TARS2: variants seen among roughly 807,000 people sequenced by gnomAD.
TARS2 encodes the protein threonine--tRNA ligase, mitochondrial.
TARS2 carries 61 observed loss-of-function variants against 94.4 expected under a neutral mutation model. The ratio of observed to expected loss-of-function variants is 0.65; its 90% confidence interval spans 0.53 to 0.80. The LOEUF is 0.80. TARS2 is among the 30% of genes least tolerant of loss of function. TARS2 has a pLI of 0.00. For synonymous variants in TARS2, 359 were observed against 353.4 expected, an observed-to-expected ratio of 1.02 and a Z score of -0.18; for missense variants, 704 against 902.5, an observed-to-expected ratio of 0.78 and a Z score of 2.82.
intron 12 of TARS2, 82 bp from the exon 13 acceptor site, chr1:150,499,134 G>A: frequency 6.2e-7 from 1 of 1,609,310 alleles, no homozygotes; most frequent in Non-Finnish European, 8.5e-7. Flanking sequence ...CTGGTGAGTG[G>A]GTCATTTGTT....
Position 150,506,906 on chromosome 1 carries a change from C to T in TARS2, c.2009-10C>T. On this transcript the variant is annotated splice_polypyrimidine_tract_variant and intron_variant, in intron 17 of 17. Transcript: ENST00000369064. Reference sequence around the variant, plus strand: ...TTGCCCTGAGGTTCCCAAACTTCCTCTACCTGCAGTGGTTGGCCAGAAAGA... The same window carrying T: ...TTGCCCTGAGGTTCCCAAACTTCCTTTACCTGCAGTGGTTGGCCAGAAAGA... 6.2e-7 allele frequency: 1 copy of T among 1,614,010 alleles called. No individual in the cohort carries two copies. The highest frequency in any genetic ancestry group is 8.5e-7 in the Non-Finnish European group (1 of 1,179,950).
At position 150,490,612 on chromosome 1, in the gene TARS2, C is replaced by T. The variant is rs1292789892; in HGVS notation, c.399C>T (p.His133=). 1 of 1,613,854 alleles carries T rather than the reference C, an allele frequency of 6.2e-7. No individual in the cohort carries two copies. The highest frequency in any genetic ancestry group is 8.5e-7 in the Non-Finnish European group (1 of 1,179,976). ...TTTTGTGAACCCAGGTGTTCTGGCA[C>T]TCCAGCACCCATGTCCTGGGGGCAG... is the stretch of plus-strand genomic sequence containing the variant. ...DSPEGKAVFW[H]SSTHVLGAAA... The change falls in exon 4 of 18, where the codon CAC becomes CAT. Residue 133 remains histidine (H), a synonymous_variant. Coordinates refer to ENST00000369064, the MANE Select transcript of TARS2 (RefSeq NM_025150.5).
At chr1:150,502,384 A>AT (rs1669966137) in intron 13 of TARS2, among the ~76,000 whole-genome samples, 4 of 116,126 alleles carry the variant, frequency 3.4e-5, no homozygotes, top group African/African-American at 1.2e-4. Flanking sequence ...ACGCCCAGCT[A>AT]ATTTTTTTTT....
chr1:150,496,986 A>C (rs1290129965), intron 9 of TARS2, 78 bp downstream of exon 9: 2 of 1,434,028 alleles, frequency 1.4e-6, no homozygotes, highest in African/African-American at 2.8e-5. Context: ...GTTTGTGTTA[A>C]AAGATGGGGG....
chr1:150,499,789 C>G (rs1669831618), intron 13 of TARS2, among the ~76,000 whole-genome samples: 1 of 152,156 alleles, frequency 6.6e-6, no homozygotes, highest in African/African-American at 2.4e-5. Flanking sequence ...GCTGCGAGAT[C>G]TGTGCTGTGT....
rs1669265793 is a variant in TARS2 at position 150,488,999 on chromosome 1, T to G, written c.299T>G (p.Val100Gly). The change falls in exon 3 of 18, where the codon GTG becomes GGG. Residue 100 changes from valine (V) to glycine (G), a missense_variant. Around this residue, in one of 3 missense-constraint regions of TARS2, gnomAD observed 208 missense variants for 228.5 expected, o/e 0.91. Transcript: ENST00000369064. ...GCAGATACTGCAGTGGCTGCTCAAG[T>G]GAATGGAGAACCTTATGATCTGGAG... ...TLADTAVAAQ[V>G]NGEPYDLERP... 1 of 1,614,082 alleles carries G rather than the reference T, an allele frequency of 6.2e-7. No individual in the cohort carries two copies.
intron 9 of TARS2, among the ~76,000 whole-genome samples, chr1:150,497,207 C>G (rs894220768): frequency 6.6e-6 from 1 of 151,970 alleles, no homozygotes; most frequent in African/African-American, 2.4e-5. Flanking sequence ...ATCCCTTGAA[C>G]CCAGGAAGGG....
chr1:150,493,357 G>C (rs1348927649), intron 7 of TARS2, among the ~76,000 whole-genome samples: 1 of 152,164 alleles, frequency 6.6e-6, no homozygotes, highest in African/African-American at 2.4e-5. Context: ...AGCTGGATGG[G>C]TCATACAGGG....
At chr1:150,506,444 C>A (rs1670207336) in intron 17 of TARS2, among the ~76,000 whole-genome samples, 1 of 151,042 alleles carries the variant, frequency 6.6e-6, no homozygotes, top group Non-Finnish European at 1.5e-5. Context: ...ACCACTCCTG[C>A]CACCTTCCAC....
chr1:150,507,067 C>CT lies in TARS2; in HGVS notation c.*6dup. 1 of 1,614,018 alleles carries CT rather than the reference C, an allele frequency of 6.2e-7. No homozygotes were observed. Among genetic ancestry groups the CT allele is most frequent in the East Asian group, 2.2e-5 (1 of 44,882 alleles). ...CAAATGCCGAAGAAATTTTCTGAGC[C>CT]TTTGTACATAGATGAGGCAAAAACC... is the stretch of plus-strand genomic sequence containing the variant. On this transcript the variant is annotated 3_prime_UTR_variant, in exon 18 of 18. Transcript: ENST00000369064.
At chr1:150,495,222 G>A (rs1305587059) in intron 7 of TARS2, among the ~76,000 whole-genome samples, 6 of 149,382 alleles carry the variant, frequency 4.0e-5, no homozygotes, top group Admixed American at 2.7e-4. Context: ...GTGGTGGCCT[G>A]TAGTCCCAGC....
At chr1:150,504,758 G>A (rs1165749275) in intron 15 of TARS2, 25 bp downstream of exon 15, 1 of 1,613,726 alleles carries the variant, frequency 6.2e-7, no homozygotes, top group Admixed American at 1.7e-5. Flanking sequence ...CTGGATTTCT[G>A]TTCTGGCCCC....
chr1:150,494,088 A>C (rs1210241864), intron 7 of TARS2, among the ~76,000 whole-genome samples: 1 of 151,698 alleles, frequency 6.6e-6, no homozygotes, highest in East Asian at 1.9e-4. Context: ...AAACCAGGCC[A>C]GGCATGGTGG....
intron 13 of TARS2, 103 bp from the exon 14 acceptor site, chr1:150,504,232 G>A: frequency 9.3e-7 from 1 of 1,074,140 alleles, no homozygotes; most frequent in Non-Finnish European, 1.4e-6. Context: ...TAGTAGCCCG[G>A]GATGAGGGTA....
chr1:150,491,177 T>G (rs1356855181), intron 4 of TARS2, among the ~76,000 whole-genome samples: 1 of 152,254 alleles, frequency 6.6e-6, no homozygotes, highest in Non-Finnish European at 1.5e-5. Context: ...CCAGATTTCC[T>G]GCATTCAACT....
chr1:150,491,858 G>A (rs368150023), intron 6 of TARS2, 196 bp downstream of exon 6: 8 of 552,172 alleles, frequency 1.4e-5, no homozygotes, highest in African/African-American at 3.8e-5. Flanking sequence ...GCGGTAGCAC[G>A]ATCTCGGCTC....
chr1:150,506,486 GCACACACACACACA>G (rs10581752), intron 17 of TARS2, among the ~76,000 whole-genome samples: 2 of 123,678 alleles, frequency 1.6e-5, no homozygotes, highest in Non-Finnish European at 3.6e-5. Context: ...ACACGCGCGC[GCACACACACACACA>G]CACACACACA....
Position 150,492,418 on chromosome 1 carries a change from A to C in TARS2, c.703A>C (p.Thr235Pro). Residue 235 changes from threonine to proline, a missense_variant, in exon 7 of 18, where the codon ACA becomes CCA. This residue lies in a region of TARS2 where 30 missense variants were observed against 64.5 expected (regional missense o/e 0.47). Coordinates refer to ENST00000369064, the MANE Select transcript of TARS2 (RefSeq NM_025150.5). ...GCCTCTTCTTTCTCCTAGGTGTGGCACATTGGTTGACCTTTGCCAGGGCCC... is the reference window on the plus strand; with the variant it reads ...GCCTCTTCTTTCTCCTAGGTGTGGCCCATTGGTTGACCTTTGCCAGGGCCC... ...GPTATVYGCG[T>P]LVDLCQGPHL... The C allele has an allele frequency of 6.2e-7, 1 of 1,614,022 alleles. No individual in the cohort carries two copies. The highest frequency in any genetic ancestry group is 8.5e-7 in the Non-Finnish European group (1 of 1,179,942).
rs1202842585 is a variant in TARS2 at position 150,505,597 on chromosome 1, C to G, written c.1900C>G (p.Gln634Glu). The G allele has an allele frequency of 6.2e-7, 1 of 1,614,004 alleles. No individual in the cohort carries two copies. The highest frequency in any genetic ancestry group is 8.5e-7 in the Non-Finnish European group (1 of 1,179,902). ...EQEEYAKEAQQSLRAAGLVSD... is the reference protein window; with the variant it reads ...EQEEYAKEAQESLRAAGLVSD... ...CACCAAACCTCTGTTGCAGGCACAG[C>G]AGAGCCTGCGGGCTGCAGGACTGGT... is the stretch of plus-strand genomic sequence containing the variant. The change falls in exon 17 of 18, where the codon CAG becomes GAG. Residue 634 changes from glutamine (Q) to glutamate (E), a missense_variant. Physicochemically the swap from Gln to Glu is conservative, Grantham distance 29. Coordinates refer to ENST00000369064, the MANE Select transcript of TARS2 (RefSeq NM_025150.5).
Sources: allele counts gnomAD v4.1 joint callset (sites outside exome capture counted in the v4.1 genomes callset), GRCh38; gene constraint gnomAD v4.1.1; regional missense constraint gnomAD v4.1.1; transcripts MANE v1.5; gene names NCBI Gene and HGNC (gene_info 2026-07-23, HGNC 2026-07-21).